The following MEIOB variants were observed in gnomAD, a reference collection of about 807,000 sequenced individuals.
MEIOB encodes the protein meiosis-specific with OB domain-containing protein.
In MEIOB, 50 loss-of-function variants were observed where a neutral mutation model predicts 53.1. That is an observed-to-expected ratio of 0.94 (90% confidence interval 0.75 to 1.19). The LOEUF (loss-of-function observed/expected upper bound fraction) is 1.19. Among genes scored for constraint, MEIOB ranks in the 50% most tolerant of loss-of-function variants. The pLI is 0.00. For missense variants in MEIOB, 551 were observed against 550.8 expected (o/e 1.00, Z 0.00); for synonymous variants, 192 against 182.5 (o/e 1.05, Z -0.42).
At chr16:1,869,854 C>T (rs1317463433) in intron 1 of MEIOB, among the ~76,000 whole-genome samples, 3 of 149,128 alleles carry the variant, frequency 2.0e-5, no homozygotes, top group Admixed American at 1.4e-4. Context: ...TTTGATTATA[C>T]TGTGTGAAGG....
intron 9 of MEIOB, among the ~76,000 whole-genome samples, chr16:1,851,852 G>C (rs916024083): frequency 6.6e-6 from 1 of 152,192 alleles, no homozygotes; most frequent in Non-Finnish European, 1.5e-5. Context: ...TGTACTCATA[G>C]CTTCATGAGA....
intron 9 of MEIOB, among the ~76,000 whole-genome samples, chr16:1,852,254 CTTTTTTTTT>C (rs56066518): frequency 3.3e-4 from 31 of 94,016 alleles, no homozygotes; most frequent in African/African-American, 1.0e-3. Context: ...TGGTTTTTCA[CTTTTTTTTT>C]TTTTTTTTTT....
intron 11 of MEIOB, among the ~76,000 whole-genome samples, 167 bp downstream of exon 11, chr16:1,841,653 T>C (rs1269939375): frequency 6.6e-6 from 1 of 152,270 alleles, no homozygotes; most frequent in Admixed American, 6.5e-5. Context: ...AATATTTTAA[T>C]CTGGTTTGCT....
intron 1 of MEIOB, among the ~76,000 whole-genome samples, chr16:1,871,421 G>A (rs12924741): frequency 0.58 from 54,401 of 94,350 alleles, 16,835 homozygotes; most frequent in Middle Eastern, 0.72. Context: ...GGGTTTCACC[G>A]TGTTAGCCAG....
intron 2 of MEIOB, among the ~76,000 whole-genome samples, chr16:1,867,507 C>CAG (rs1899625609): frequency 2.5e-5 from 2 of 80,552 alleles, no homozygotes; most frequent in Admixed American, 3.9e-4. Flanking sequence ...AAGAGTTTTG[C>CAG]TCTTGTTGCC....
At chr16:1,842,973 A>G (rs1205442716) in intron 10 of MEIOB, among the ~76,000 whole-genome samples, 1 of 124,128 alleles carries the variant, frequency 8.1e-6, no homozygotes, top group African/African-American at 3.0e-5. Flanking sequence ...CACTGACTCA[A>G]TTTTTTAAAT....
chr16:1,840,830 G>T (rs542868203), intron 11 of MEIOB, among the ~76,000 whole-genome samples: 1 of 151,978 alleles, frequency 6.6e-6, no homozygotes, highest in East Asian at 1.9e-4. Context: ...GATTACAGGC[G>T]TGAGCCACCA....
chr16:1,868,211 T>C, intron 1 of MEIOB, 27 bp from the exon 2 acceptor site: 2 of 1,165,202 alleles, frequency 1.7e-6, no homozygotes, highest in South Asian at 1.4e-5. Context: ...ATAATTTAGA[T>C]ATATAAATTG....
At chr16:1,856,219 G>A (rs937703971) in intron 6 of MEIOB, among the ~76,000 whole-genome samples, 5 of 148,668 alleles carry the variant, frequency 3.4e-5, no homozygotes, top group Admixed American at 1.4e-4. Context: ...GCAGTGGTAC[G>A]ATCTCGGCTC....
In MEIOB at chr16:1,861,987, C is replaced by A. The variant is rs1899454931; in HGVS notation, c.257G>T (p.Cys86Phe). The A allele has an allele frequency of 6.5e-7, 1 of 1,548,236 alleles. No homozygotes were observed. Among genetic ancestry groups the A allele is most frequent in the Non-Finnish European group, 8.7e-7 (1 of 1,146,014 alleles). ...TTTAAGAATCAATGCCAACTTACCA[C>A]AGTCACCAACCCTAAAGCTGTCAGA... ...SLSDSFRVGD[C>F]VIIENPLIQR... Residue 86 changes from cysteine (C) to phenylalanine (F), a missense_variant and splice_region_variant, in exon 4 of 14, where the codon TGT (cysteine) becomes TTT (phenylalanine). Physicochemically the swap from Cys to Phe is radical, Grantham distance 205 (BLOSUM62 -2). Transcript: ENST00000325962.
chr16:1,862,161 A>G (rs1467557712), intron 3 of MEIOB, 45 bp from the exon 4 acceptor site: 2 of 1,491,968 alleles, frequency 1.3e-6, no homozygotes, highest in Admixed American at 4.2e-5. Context: ...AAGAGTTTCA[A>G]TCGCTTCTCT....
intron 6 of MEIOB, among the ~76,000 whole-genome samples, chr16:1,855,909 T>C (rs1297170255): frequency 1.4e-5 from 2 of 147,556 alleles, no homozygotes; most frequent in East Asian, 4.0e-4. Flanking sequence ...ACATGAACTA[T>C]CATAAGCATG....
At chr16:1,860,311 CAG>C (rs1899410475) in intron 5 of MEIOB, 90 bp downstream of exon 5, 1 of 638,454 alleles carries the variant, frequency 1.6e-6, no homozygotes. Context: ...GAAATAGAAA[CAG>C]AACACTTTTA....
Position 1,860,503 on chromosome 16 carries a change from A to G in MEIOB, c.260-28T>C, listed in dbSNP as rs945918028. 3.9e-6 allele frequency: 5 copies of G among 1,285,490 alleles called. No homozygotes were observed. In the South Asian group the frequency reaches 6.4e-5, roughly 16 times the overall value. The allele number at this position is 1,285,490 out of a possible 1,614,324, so 79.6% of individuals were successfully genotyped here. A position where few individuals can be genotyped will look rare whatever the true frequency, so the allele number is the denominator to read the frequency against. On this transcript the variant is annotated intron_variant, in intron 4 of 13. Coordinates refer to ENST00000325962, the MANE Select transcript of MEIOB (RefSeq NM_001163560.3). ...AAAACAGAGGGCAAAGTATGATGAT[A>G]TTACAAAACAGTAACAAGATAAACA...
intron 13 of MEIOB, 23 bp downstream of exon 13, chr16:1,837,761 A>G: frequency 8.6e-7 from 1 of 1,156,724 alleles, no homozygotes; most frequent in Non-Finnish European, 1.2e-6. Context: ...ATAGAATAAT[A>G]TGGGACTATA....
At chr16:1,859,938 C>T (rs984348475) in intron 5 of MEIOB, among the ~76,000 whole-genome samples, 1 of 152,188 alleles carries the variant, frequency 6.6e-6, no homozygotes, top group African/African-American at 2.4e-5. Flanking sequence ...TCCAGGTGAA[C>T]CCACTTCTCT....
intron 9 of MEIOB, among the ~76,000 whole-genome samples, chr16:1,847,493 A>T (rs11640407): frequency 0.18 from 26,550 of 150,482 alleles, 2,470 homozygotes; most frequent in South Asian, 0.27. Flanking sequence ...AGCCTATTTT[A>T]GGGCCAAGCA....
At chr16:1,866,829 C>T (rs981669553) in intron 2 of MEIOB, among the ~76,000 whole-genome samples, 3 of 152,186 alleles carry the variant, frequency 2.0e-5, no homozygotes, top group Non-Finnish European at 2.9e-5. Flanking sequence ...TTTAACCTTA[C>T]AATAATCTTG....
chr16:1,860,390 G>A lies in MEIOB; in HGVS notation c.332+13C>T, dbSNP rs1217074623. ...TCATTCTCGCACAATCTCTGTGCTA[G>A]ACAGATGCTTACCTAGGAGTTGCAG... On this transcript the variant is annotated intron_variant, in intron 5 of 13. Coordinates refer to ENST00000325962, the MANE Select transcript of MEIOB (RefSeq NM_001163560.3). The A allele has an allele frequency of 2.8e-6, 4 of 1,430,676 alleles. No individual in the cohort carries two copies. The highest frequency in any genetic ancestry group is 3.9e-6 in the Non-Finnish European group (4 of 1,037,734). 88.6% of individuals were successfully genotyped at this position (1,430,676 alleles called of 1,614,324 possible).
Sources: allele counts gnomAD v4.1 joint callset (sites outside exome capture counted in the v4.1 genomes callset), GRCh38; gene constraint gnomAD v4.1.1; transcripts MANE v1.5; gene names NCBI Gene and HGNC (gene_info 2026-07-23, HGNC 2026-07-21).